Variants in ADAMTS12 observed in about 807,000 individuals in gnomAD.
The protein encoded by ADAMTS12 is A disintegrin and metalloproteinase with thrombospondin motifs 12.
In ADAMTS12, 118 loss-of-function variants were observed where a neutral mutation model predicts 167.8. That is an observed-to-expected ratio of 0.70 (90% confidence interval 0.61 to 0.82). The LOEUF is 0.82. Among genes scored for constraint, ADAMTS12 ranks in the 40% least tolerant of loss-of-function variants. ADAMTS12 has a pLI of 0.00. For synonymous variants in ADAMTS12, 704 were observed against 716.9 expected (o/e 0.98, Z 0.29); for missense variants, 1,916 against 1,998.8 (o/e 0.96, Z 0.79).
chr5:33,851,700 G>A (rs1160910703), intron 2 of ADAMTS12, among the ~76,000 whole-genome samples: 2 of 152,190 alleles, frequency 1.3e-5, no homozygotes, highest in Non-Finnish European at 2.9e-5. Flanking sequence ...GATCAGATGT[G>A]CCCTCTGCTG....
intron 16 of ADAMTS12, among the ~76,000 whole-genome samples, chr5:33,608,956 C>T: frequency 6.6e-6 from 1 of 152,178 alleles, no homozygotes; most frequent in East Asian, 1.9e-4. Flanking sequence ...GGGATGAGAG[C>T]ATTCATTTCT....
chr5:33,789,076 A>G (rs1264759121), intron 2 of ADAMTS12, among the ~76,000 whole-genome samples: 1 of 152,192 alleles, frequency 6.6e-6, no homozygotes, highest in African/African-American at 2.4e-5. Context: ...TCTGTACATC[A>G]AAGCATGATT....
intron 2 of ADAMTS12, among the ~76,000 whole-genome samples, chr5:33,801,175 G>A (rs1746991143): frequency 6.6e-6 from 1 of 152,186 alleles, no homozygotes. Flanking sequence ...ATTTCAGCCC[G>A]TGAAACCGAT....
intron 3 of ADAMTS12, among the ~76,000 whole-genome samples, chr5:33,702,696 A>G (rs1429914756): frequency 6.6e-6 from 1 of 151,996 alleles, no homozygotes; most frequent in East Asian, 1.9e-4. Context: ...TCAACTGTGC[A>G]TTTTTTTTCA....
intron 2 of ADAMTS12, among the ~76,000 whole-genome samples, chr5:33,820,818 G>T (rs923259546): frequency 6.6e-6 from 1 of 152,140 alleles, no homozygotes; most frequent in Non-Finnish European, 1.5e-5. Context: ...CATGTCCTTT[G>T]CAAGGACATG....
At chr5:33,735,729 A>C (rs1744348805) in intron 3 of ADAMTS12, among the ~76,000 whole-genome samples, 1 of 152,190 alleles carries the variant, frequency 6.6e-6, no homozygotes, top group Non-Finnish European at 1.5e-5. Context: ...AGCTGCTGGA[A>C]AGGTCAATGA....
intron 16 of ADAMTS12, among the ~76,000 whole-genome samples, chr5:33,608,953 G>A (rs766097802): frequency 4.6e-5 from 7 of 152,146 alleles, no homozygotes; most frequent in Admixed American, 1.3e-4. Flanking sequence ...GGTGGGATGA[G>A]AGCATTCATT....
rs192175125 is a variant in ADAMTS12, at chr5:33,550,490, G to T, written c.4126-1107C>A. 2.2e-3 allele frequency among the ~76,000 whole-genome samples: 330 copies of T among 152,154 alleles called. 1 individual carries two copies. The highest frequency in any genetic ancestry group is 7.4e-3 in the African/African-American group (309 of 41,524). ...GGGATGGAGGCTAACATCTGTGCTC[G>T]TCAGCCCAGGTTCTTCCCCAGGTTC... On this transcript the variant is annotated intron_variant, in intron 20 of 23. Transcript: ENST00000504830.
rs1447587559 is a variant in ADAMTS12, at chr5:33,576,990, A to G, written c.3036T>C (p.Asn1012=). 6.2e-7 allele frequency: 1 copy of G among 1,614,126 alleles called. No individual in the cohort carries two copies. The highest frequency in any genetic ancestry group is 8.5e-7 in the Non-Finnish European group (1 of 1,180,016). Residue 1012 remains asparagine (N), a synonymous_variant, in exon 19 of 24, where the codon AAT becomes AAC. Coordinates refer to ENST00000504830, the MANE Select transcript of ADAMTS12 (RefSeq NM_030955.4). The part of the protein sequence containing the change: ...VLKPNKGTIS[N]GKNPPTLKPV... ...GCTTTAGTGTTGGTGGGTTTTTTCC[A>G]TTGGAAATAGTGCCTTTGTTTGGTT...
intron 3 of ADAMTS12, among the ~76,000 whole-genome samples, chr5:33,689,819 AT>A (rs954902740): frequency 3.2e-4 from 48 of 152,278 alleles, no homozygotes; most frequent in African/African-American, 1.1e-3. Flanking sequence ...TTGAATTCCT[AT>A]TTTTTTAAGG....
intron 4 of ADAMTS12, 75 bp from the exon 5 acceptor site, chr5:33,683,176 T>G (rs1456025938): frequency 8.7e-7 from 1 of 1,154,104 alleles, no homozygotes; most frequent in African/African-American, 1.6e-5. Context: ...AAAATAGCAT[T>G]GTAATGCACA....
intron 13 of ADAMTS12, among the ~76,000 whole-genome samples, chr5:33,626,622 G>A (rs1401112338): frequency 4.0e-5 from 6 of 149,386 alleles, no homozygotes; most frequent in Admixed American, 2.0e-4. Context: ...GTGAGGTGAC[G>A]GTGGTGGTGA....
At chr5:33,862,671 G>A (rs1445758135) in intron 2 of ADAMTS12, among the ~76,000 whole-genome samples, 2 of 152,044 alleles carry the variant, frequency 1.3e-5, no homozygotes, top group South Asian at 2.1e-4. Flanking sequence ...GAAAAAGAGG[G>A]AATCCTCCCT....
intron 5 of ADAMTS12, among the ~76,000 whole-genome samples, chr5:33,672,006 CAT>C (rs1246119059): frequency 6.7e-6 from 1 of 149,464 alleles, no homozygotes; most frequent in Non-Finnish European, 1.5e-5. Context: ...CATATACTCA[CAT>C]ACACACACAT....
intron 3 of ADAMTS12, among the ~76,000 whole-genome samples, chr5:33,748,973 C>A (rs1276203267): frequency 6.6e-6 from 1 of 152,186 alleles, no homozygotes; most frequent in Non-Finnish European, 1.5e-5. Flanking sequence ...ACTGTTTAAA[C>A]AGTAACTATG....
chr5:33,706,408 A>G (rs7706826), intron 3 of ADAMTS12, among the ~76,000 whole-genome samples: 92,799 of 151,956 alleles, frequency 0.61, 29,516 homozygotes, highest in Non-Finnish European at 0.69. Context: ...TATTTAGGAT[A>G]GTTAGCTCTT....
intron 3 of ADAMTS12, among the ~76,000 whole-genome samples, chr5:33,696,438 T>G (rs112411184): frequency 0.019 from 1,572 of 84,066 alleles, 36 homozygotes; most frequent in African/African-American, 0.066. Context: ...AAAAAAAAAA[T>G]TATAATTAGC....
At chr5:33,809,575 G>A (rs925263973) in intron 2 of ADAMTS12, among the ~76,000 whole-genome samples, 1 of 152,060 alleles carries the variant, frequency 6.6e-6, no homozygotes, top group Non-Finnish European at 1.5e-5. Flanking sequence ...TCTGAGGATT[G>A]AGCCTCTCAT....
At chr5:33,627,381 G>T (rs948971184) in intron 13 of ADAMTS12, among the ~76,000 whole-genome samples, 2 of 151,268 alleles carry the variant, frequency 1.3e-5, no homozygotes, top group African/African-American at 4.9e-5. Context: ...TGATGGTGGT[G>T]GTGGGAGTAG....
Sources: allele counts gnomAD v4.1 joint callset (sites outside exome capture counted in the v4.1 genomes callset), GRCh38; gene constraint gnomAD v4.1.1; transcripts MANE v1.5; gene names NCBI Gene and HGNC (gene_info 2026-07-23, HGNC 2026-07-21).